The following ZNF28 variants were observed in gnomAD, a reference collection of about 807,000 sequenced individuals.
ZNF28 encodes zinc finger protein KOX24.
A neutral mutation model predicts 7.2 loss-of-function variants in ZNF28; 5 were observed. That is an observed-to-expected ratio of 0.70 (90% CI 0.36 to 1.46). ZNF28 has a LOEUF of 1.46. ZNF28 is among the 40% of genes most tolerant of loss of function. ZNF28 has a pLI of 0.03. For missense variants in ZNF28, 879 were observed against 866.6 expected (o/e 1.01, Z -0.18); for synonymous variants, 288 against 292.4 (o/e 0.99, Z 0.15).
Position 52,801,424 on chromosome 19 carries a change from C to T in ZNF28, c.421G>A (p.Gly141Arg). Residue 141 changes from glycine (G) to arginine (R), a missense_variant, in exon 4 of 4, where the codon GGA becomes AGA. By Grantham distance (125) the Gly-to-Arg change is moderately radical (BLOSUM62 -2). Around this residue, in one of 2 missense-constraint regions of ZNF28, gnomAD observed 864 missense variants for 830.2 expected, o/e 1.04. Transcript: ENST00000457749. ...GGCAGATGCGAATGAAAGCTTAATC[C>T]AAGCTGATCTTTAATATGCTTGTTT... Reference protein sequence around the residue: ...AGNKHIKDQLGLSFHSHLPEL... With the variant: ...AGNKHIKDQLRLSFHSHLPEL... 5 of 1,614,168 alleles carry T rather than the reference C, an allele frequency of 3.1e-6. No individual in the cohort carries two copies. The highest frequency in any genetic ancestry group is 2.2e-5 in the East Asian group (1 of 44,880).
chr19:52,812,393 G>A (rs1395158689), intron 2 of ZNF28, among the ~76,000 whole-genome samples: 10 of 137,726 alleles, frequency 7.3e-5, no homozygotes, highest in Non-Finnish European at 1.5e-5. Context: ...AAGTAGACAT[G>A]GGAGACTTTT....
chr19:52,810,051 C>T, intron 2 of ZNF28: 1 of 741,164 alleles, frequency 1.3e-6, no homozygotes, highest in Non-Finnish European at 2.4e-6. Flanking sequence ...GCCCCGCGCC[C>T]CATGCCTGGG....
In ZNF28 at chr19:52,800,360, G is replaced by C. The variant is rs753639010; in HGVS notation, c.1485C>G (p.Tyr495Ter). 32 of 1,614,032 alleles carry C rather than the reference G, an allele frequency of 2.0e-5. No homozygotes were observed. The highest frequency in any genetic ancestry group is 2.7e-5 in the Non-Finnish European group (32 of 1,179,998). Reference protein sequence around the residue: ...HRRIHTGEKPYKCKVCDKAFR... With the variant: ...HRRIHTGEKP ...AAGCCTTGTCACAAACCTTACATTTGTATGGTTTCTCTCCAGTATGAATCC... is the reference window on the plus strand; with the variant it reads ...AAGCCTTGTCACAAACCTTACATTTCTATGGTTTCTCTCCAGTATGAATCC... The change falls in exon 4 of 4, where the codon TAC (tyrosine) becomes TAG (stop). Residue 495 changes from tyrosine (Y) to a stop codon, truncating the protein, a stop_gained. Transcript: ENST00000457749. LOFTEE classifies it low-confidence loss of function (END_TRUNC).
At chr19:52,814,634 T>A (rs1201748826) in intron 2 of ZNF28, among the ~76,000 whole-genome samples, 2 of 144,500 alleles carry the variant, frequency 1.4e-5, no homozygotes, top group Admixed American at 7.0e-5. Context: ...CGCCTGTGAT[T>A]TCAAAACTTT....
At chr19:52,820,688 C>T (rs1270314065) in intron 1 of ZNF28, among the ~76,000 whole-genome samples, 2 of 152,186 alleles carry the variant, frequency 1.3e-5, no homozygotes, top group African/African-American at 4.8e-5. Flanking sequence ...CTCCACATTT[C>T]TGCCCCTCTC....
Position 52,810,414 on chromosome 19 carries a change from T to C in ZNF28, c.16-2281A>G, listed in dbSNP as rs990488609. On this transcript the variant is annotated intron_variant, in intron 2 of 3. Coordinates refer to ENST00000457749, the MANE Select transcript of ZNF28 (RefSeq NM_006969.5). The stretch of plus-strand genomic sequence containing the variant: ...CCACGTTACCATACTCTGTGACAAA[T>C]TTAGTGGCCATCCCAAAGGGTTTGC... 13 of 1,604,150 alleles carry C rather than the reference T, an allele frequency of 8.1e-6. 1 individual carries two copies. In the Admixed American group the frequency reaches 2.2e-4, roughly 27 times the overall value.
intron 2 of ZNF28, chr19:52,810,631 AGTGGTT>A: frequency 7.1e-7 from 1 of 1,409,706 alleles, no homozygotes. Context: ...TCCATTCTAC[AGTGGTT>A]TTAACAGCAG....
In ZNF28 at chr19:52,801,500, T is replaced by G. The variant is rs758649680; in HGVS notation, c.345A>C (p.Glu115Asp). 3.7e-6 allele frequency: 6 copies of G among 1,613,984 alleles called. No homozygotes were observed. The East Asian group carries it at 1.3e-4, about 36-fold the overall frequency. ...CTGTACTACCAGTCAACTCTTTGAT[T>G]TCTGTCATGGGTGCTGCATGGTCAT... ...ETNDHAAPMT[E>D]IKELTGSTGQ... Residue 115 changes from glutamate to aspartate, a missense_variant, in exon 4 of 4, where the codon GAA becomes GAC. Physicochemically the swap from Glu to Asp is conservative, Grantham distance 45. Transcript: ENST00000457749.
intron 1 of ZNF28, 44 bp from the exon 2 acceptor site, chr19:52,818,075 T>C: frequency 3.3e-6 from 5 of 1,519,110 alleles, no homozygotes; most frequent in Admixed American, 1.8e-5. Flanking sequence ...AATCAACACA[T>C]CCCCTCCCTG....
At chr19:52,807,962 A>G (rs1304633781) in intron 3 of ZNF28, 45 bp downstream of exon 3, 3 of 1,610,470 alleles carry the variant, frequency 1.9e-6, no homozygotes, top group Admixed American at 3.4e-5. Flanking sequence ...AACAAGAGAA[A>G]ATACAAAGAT....
At chr19:52,817,863 C>A in intron 2 of ZNF28, 81 bp downstream of exon 2, 2 of 1,600,018 alleles carry the variant, frequency 1.2e-6, no homozygotes, top group Non-Finnish European at 1.7e-6. Context: ...ACACTTCAGA[C>A]TCAGAGAAGA....
intron 2 of ZNF28, among the ~76,000 whole-genome samples, chr19:52,811,926 AGG>A (rs2063051923): frequency 1.4e-5 from 1 of 69,536 alleles, no homozygotes; most frequent in Non-Finnish European, 2.8e-5. Context: ...CGCCCTATCC[AGG>A]AGGTGAGGGG....
Position 52,809,305 on chromosome 19 carries a change from T to C in ZNF28, c.16-1172A>G, listed in dbSNP as rs1177081320. ...TGGCACTCTTTATACAGGGAAAAGT[T>C]GCAAAGGACACATGTGTTGTCATTC... is the stretch of plus-strand genomic sequence containing the variant. On this transcript the variant is annotated intron_variant, in intron 2 of 3. Coordinates refer to ENST00000457749, the MANE Select transcript of ZNF28 (RefSeq NM_006969.5). Among the ~76,000 whole-genome samples the C allele has an allele frequency of 3.9e-5, 6 of 152,264 alleles. No individual in the cohort carries two copies. The East Asian group carries it at 1.2e-3, about 29-fold the overall frequency.
intron 3 of ZNF28, among the ~76,000 whole-genome samples, chr19:52,804,520 G>A (rs188392959): frequency 1.3e-5 from 2 of 152,046 alleles, no homozygotes; most frequent in Non-Finnish European, 2.9e-5. Flanking sequence ...ACAGGCGCAC[G>A]CCACCATACA....
At chr19:52,819,632 A>C (rs1343037014) in intron 1 of ZNF28, among the ~76,000 whole-genome samples, 2 of 131,142 alleles carry the variant, frequency 1.5e-5, no homozygotes, top group Non-Finnish European at 3.1e-5. Context: ...TACCCTGAGA[A>C]GGTCTGAGAT....
At chr19:52,809,631 G>C (rs1359511070) in intron 2 of ZNF28, among the ~76,000 whole-genome samples, 1 of 152,060 alleles carries the variant, frequency 6.6e-6, no homozygotes, top group Non-Finnish European at 1.5e-5. Flanking sequence ...GATAATGAAA[G>C]CCCTTCTCTA....
rs972135319 is a variant in ZNF28, at chr19:52,800,357, T to A, written c.1488A>T (p.Lys496Asn). 6.2e-7 allele frequency: 1 copy of A among 1,613,792 alleles called. No homozygotes were observed. The highest frequency in any genetic ancestry group is 1.3e-5 in the African/African-American group (1 of 74,854). Residue 496 changes from lysine to asparagine, a missense_variant, in exon 4 of 4, where the codon AAA (lysine) becomes AAT (asparagine). Physicochemically the swap from Lys to Asn is moderately conservative, Grantham distance 94 (BLOSUM62 0). Around this residue, in one of 2 missense-constraint regions of ZNF28, gnomAD observed 864 missense variants for 830.2 expected, o/e 1.04. Coordinates refer to ENST00000457749, the MANE Select transcript of ZNF28 (RefSeq NM_006969.5). ...GGAAAGCCTTGTCACAAACCTTACA[T>A]TTGTATGGTTTCTCTCCAGTATGAA... ...RRIHTGEKPY[K>N]CKVCDKAFRS...
In ZNF28 at chr19:52,818,885, GAAAA is replaced by G. The variant is rs561203089; in HGVS notation, c.-73-858_-73-855del. Among the ~76,000 whole-genome samples, 167 of 114,238 alleles carry G rather than the reference GAAAA, an allele frequency of 1.5e-3. 2 individuals are homozygous for G. Among genetic ancestry groups the G allele is most frequent in the Non-Finnish European group, 1.1e-3 (64 of 60,476 alleles). 74.9% of individuals were successfully genotyped at this position (114,238 alleles called of 152,430 possible). On this transcript the variant is annotated intron_variant, in intron 1 of 3. Transcript: ENST00000457749. Reference sequence around the variant, plus strand: ...GAGGACAGAATGAGAGTCTGTTTGGGAAAAAAAAAAAAAAAAAAAGTGCATTTCT... The same window carrying G: ...GAGGACAGAATGAGAGTCTGTTTGGGAAAAAAAAAAAAAAAGTGCATTTCT...
intron 2 of ZNF28, chr19:52,810,016 C>T (rs985995613): frequency 1.7e-5 from 13 of 754,384 alleles, no homozygotes; most frequent in African/African-American, 1.6e-4. Context: ...CTGTTGGAGC[C>T]GGAGCCCGAA....
Sources: allele counts gnomAD v4.1 joint callset (sites outside exome capture counted in the v4.1 genomes callset), GRCh38; gene constraint gnomAD v4.1.1; regional missense constraint gnomAD v4.1.1; transcripts MANE v1.5; gene names NCBI Gene and HGNC (gene_info 2026-07-23, HGNC 2026-07-21).